POLN: variants seen among roughly 807,000 people sequenced by gnomAD.
POLN encodes DNA polymerase nu.
Under a neutral mutation model 113.5 loss-of-function variants are expected in POLN, and 108 were observed. The ratio of observed to expected loss-of-function variants is 0.95; its 90% confidence interval spans 0.81 to 1.12. The LOEUF is 1.12. Among genes scored for constraint, POLN ranks in the 50% most tolerant of loss-of-function variants. The pLI, the probability that POLN is intolerant of heterozygous loss-of-function variation, is 0.00. For missense variants in POLN, 1,097 were observed against 1,077.1 expected, an observed-to-expected ratio of 1.02 and a Z score of -0.26; for synonymous variants, 386 against 391.5, an observed-to-expected ratio of 0.99 and a Z score of 0.17.
chr4:2,072,442 TGCA>T, intron 25 of POLN, 143 bp from the exon 26 acceptor site: 1 of 684,808 alleles, frequency 1.5e-6, no homozygotes. Context: ...CGCACACATG[TGCA>T]TACACGTGCA....
chr4:2,159,266 C>T (rs1285634780), intron 13 of POLN, 55 bp from the exon 14 acceptor site: 2 of 1,384,340 alleles, frequency 1.4e-6, no homozygotes, highest in Non-Finnish European at 2.0e-6. Flanking sequence ...ACATTTTAAA[C>T]ACGTATTTTC....
At chr4:2,081,378 T>G in intron 22 of POLN, 1 of 622,450 alleles carries the variant, frequency 1.6e-6, no homozygotes, top group East Asian at 2.9e-5. Flanking sequence ...ACCACAGAGA[T>G]ATGGGGAACA....
At chr4:2,207,908 C>G in intron 5 of POLN, 79 bp downstream of exon 5, 1 of 1,470,490 alleles carries the variant, frequency 6.8e-7, no homozygotes, top group South Asian at 1.4e-5. Context: ...TCTAGCTCTC[C>G]TATCAAAATC....
rs574655471 is a variant in POLN, at chr4:2,236,623, C to T, written c.-13+4897G>A. Reference sequence around the variant, plus strand: ...CCTGTAATCCTAGCACTTTGGGAGGCCAAGGCGGGCAGATTGCCTGAGCTC... The same window carrying T: ...CCTGTAATCCTAGCACTTTGGGAGGTCAAGGCGGGCAGATTGCCTGAGCTC... On this transcript the variant is annotated intron_variant, in intron 2 of 25. Coordinates refer to ENST00000511885, the MANE Select transcript of POLN (RefSeq NM_181808.4). Among the ~76,000 whole-genome samples, 11 of 152,072 alleles carry T rather than the reference C, an allele frequency of 7.2e-5. No homozygotes were observed. The East Asian group carries it at 2.1e-3, about 29-fold the overall frequency.
At chr4:2,227,016 G>C (rs989746969) in intron 3 of POLN, among the ~76,000 whole-genome samples, 19 of 152,188 alleles carry the variant, frequency 1.2e-4, no homozygotes, top group Admixed American at 1.2e-3. Flanking sequence ...AAGACTCCAA[G>C]GTGGCCCTAT....
intron 23 of POLN, among the ~76,000 whole-genome samples, chr4:2,077,307 C>G (rs1263577584): frequency 6.6e-6 from 1 of 152,226 alleles, no homozygotes; most frequent in Non-Finnish European, 1.5e-5. Flanking sequence ...AAAAGTCTGC[C>G]TTCTGGAGTC....
intron 10 of POLN, 43 bp from the exon 11 acceptor site, chr4:2,174,062 AT>A (rs200777880): frequency 1.3e-6 from 2 of 1,591,410 alleles, no homozygotes; most frequent in East Asian, 4.5e-5. Context: ...GCATTAATGT[AT>A]TCTTTTTACT....
intron 5 of POLN, among the ~76,000 whole-genome samples, chr4:2,204,109 C>CAAAAAAAAAAAAAAAAAAAAAAAAAAAAA (rs566255148): frequency 1.9e-5 from 1 of 53,234 alleles, no homozygotes. Context: ...AACTCTATCA[C>CAAAAAAAAAAAAAAAAAAAAAAAAAAAAA]AAAAAAAAAA....
chr4:2,127,562 C>T lies in POLN; in HGVS notation c.1982+551G>A, dbSNP rs1399847277. Among the ~76,000 whole-genome samples, 1 of 152,146 alleles carries T rather than the reference C, an allele frequency of 6.6e-6. No individual in the cohort carries two copies. Among genetic ancestry groups the T allele is most frequent in the Non-Finnish European group, 1.5e-5 (1 of 68,022 alleles). On this transcript the variant is annotated intron_variant, in intron 19 of 25. Transcript: ENST00000511885. This position sits in a 1 kb window ranked among gnomAD's most constrained non-coding sequence, Gnocchi z 4.7. Reference sequence around the variant, plus strand: ...TGCTTTGGAGACCGGAGCAGGTATTCCACCAGGAGGAAGAGAAGCCAACGT... The same window carrying T: ...TGCTTTGGAGACCGGAGCAGGTATTTCACCAGGAGGAAGAGAAGCCAACGT...
At chr4:2,082,473 G>A (rs1730444658) in intron 21 of POLN, among the ~76,000 whole-genome samples, 1 of 152,226 alleles carries the variant, frequency 6.6e-6, no homozygotes, top group African/African-American at 2.4e-5. Flanking sequence ...ATCCAATCTT[G>A]AGTGGCCTGA....
chr4:2,217,066 G>A (rs891450875), intron 3 of POLN, among the ~76,000 whole-genome samples: 1 of 152,178 alleles, frequency 6.6e-6, no homozygotes, highest in Non-Finnish European at 1.5e-5. Flanking sequence ...GAAGTACTTC[G>A]TGACTGTTCC....
intron 7 of POLN, among the ~76,000 whole-genome samples, chr4:2,186,405 G>A (rs1733274237): frequency 6.6e-6 from 1 of 152,112 alleles, no homozygotes; most frequent in African/African-American, 2.4e-5. Flanking sequence ...GTTGTAGGAG[G>A]TACATCCTAC....
chr4:2,092,431 T>C (rs1053758402), intron 20 of POLN, among the ~76,000 whole-genome samples: 1 of 152,150 alleles, frequency 6.6e-6, no homozygotes, highest in Non-Finnish European at 1.5e-5. Flanking sequence ...GGACGGACAT[T>C]TGAATTCAGT....
Position 2,176,253 on chromosome 4 carries a change from T to A in POLN, c.1248+13A>T. 6.3e-7 allele frequency: 1 copy of A among 1,595,962 alleles called. No homozygotes were observed. Among genetic ancestry groups the A allele is most frequent in the Non-Finnish European group, 8.6e-7 (1 of 1,166,662 alleles). On this transcript the variant is annotated intron_variant, in intron 9 of 25. Transcript: ENST00000511885. ...AGCCTCTGTCAGCCAGAAATTATAA[T>A]AAAATGCCTTGCCTTCAGTTTAGAG...
chr4:2,153,325 A>G (rs1732339041), intron 16 of POLN, among the ~76,000 whole-genome samples: 2 of 152,236 alleles, frequency 1.3e-5, no homozygotes, highest in South Asian at 4.1e-4. Flanking sequence ...GGCTGCAATC[A>G]TGGGCTACCA....
At chr4:2,157,425 C>T (rs989168327) in intron 15 of POLN, among the ~76,000 whole-genome samples, 2 of 152,086 alleles carry the variant, frequency 1.3e-5, no homozygotes, top group African/African-American at 4.8e-5. Context: ...CTCATAGTTT[C>T]AAGAATATTA....
intron 22 of POLN, chr4:2,081,424 A>G: frequency 1.6e-6 from 1 of 629,176 alleles, no homozygotes; most frequent in Non-Finnish European, 2.8e-6. Flanking sequence ...GGAATCATCC[A>G]ATCATCCTAG....
In POLN at chr4:2,238,908, T is replaced by A. The variant is rs750885140; in HGVS notation, c.-13+2612A>T. ...TCAAAATCTCCCTTTACCACTGGCA[T>A]ATTCAATAACTGGGCATTCTCTCTT... On this transcript the variant is annotated intron_variant, in intron 2 of 25. Transcript: ENST00000511885. 3.1e-6 allele frequency: 5 copies of A among 1,612,864 alleles called. No homozygotes were observed. The African/African-American group carries it at 6.7e-5, about 22-fold the overall frequency.
chr4:2,149,965 C>G (rs1461475253), intron 16 of POLN, among the ~76,000 whole-genome samples: 1 of 152,006 alleles, frequency 6.6e-6, no homozygotes, highest in African/African-American at 2.4e-5. Flanking sequence ...CTCCTGTAAT[C>G]CCAGCTACTC....
Sources: gnomAD v4.1 joint callset for allele counts (sites outside exome capture counted in the v4.1 genomes callset) on GRCh38, gnomAD v4.1.1 for gene constraint, Gnocchi (gnomAD v3.1) non-coding constraint, MANE v1.5 for transcripts, NCBI Gene and HGNC (gene_info 2026-07-23, HGNC 2026-07-21) for gene names.